The following UBE2E2 variants were observed in gnomAD, a reference collection of about 807,000 sequenced individuals.
UBE2E2 encodes ubiquitin-conjugating enzyme E2 E2.
Under a neutral mutation model 24.7 loss-of-function variants are expected in UBE2E2, and 6 were observed. The ratio of observed to expected loss-of-function variants is 0.24; its 90% CI spans 0.13 to 0.48. UBE2E2 has a LOEUF of 0.48. Among genes scored for constraint, UBE2E2 ranks in the 20% least tolerant of loss-of-function variants. UBE2E2 has a pLI of 0.99. For synonymous variants in UBE2E2, 104 were observed against 83.6 expected, an observed-to-expected ratio of 1.24 and a Z score of -1.33; for missense variants, 169 against 245.0, an observed-to-expected ratio of 0.69 and a Z score of 2.07.
chr3:23,375,514 A>G (rs1385890350), intron 3 of UBE2E2, among the ~76,000 whole-genome samples: 1 of 152,214 alleles, frequency 6.6e-6, no homozygotes, highest in East Asian at 1.9e-4. Flanking sequence ...TACATAGAGT[A>G]CAAGTCAGAC....
chr3:23,382,942 T>G (rs922678693), intron 3 of UBE2E2, among the ~76,000 whole-genome samples: 3 of 152,128 alleles, frequency 2.0e-5, no homozygotes, highest in Non-Finnish European at 4.4e-5. Flanking sequence ...AATAAACAGG[T>G]GTAAACTGTA....
intron 3 of UBE2E2, among the ~76,000 whole-genome samples, chr3:23,338,532 C>T (rs1695279253): frequency 2.0e-5 from 3 of 152,084 alleles, no homozygotes; most frequent in African/African-American, 4.8e-5. Flanking sequence ...ACACCCAGTA[C>T]CAGATCTTGG....
chr3:23,382,407 C>G (rs1328298808), intron 3 of UBE2E2, among the ~76,000 whole-genome samples: 1 of 151,960 alleles, frequency 6.6e-6, no homozygotes, highest in Non-Finnish European at 1.5e-5. Flanking sequence ...GTCTTGAACT[C>G]CCAACCTCGG....
At chr3:23,543,244 C>G (rs1437990385) in intron 5 of UBE2E2, among the ~76,000 whole-genome samples, 3 of 152,106 alleles carry the variant, frequency 2.0e-5, no homozygotes, top group African/African-American at 7.2e-5. Flanking sequence ...AAAGGGCATC[C>G]AAACTGGAAA....
intron 3 of UBE2E2, among the ~76,000 whole-genome samples, chr3:23,266,917 A>G (rs1407131737): frequency 2.0e-5 from 3 of 152,218 alleles, no homozygotes; most frequent in African/African-American, 7.2e-5. Flanking sequence ...AAACCATGCA[A>G]CTACATGGAA....
At chr3:23,331,501 G>T (rs1172143851) in intron 3 of UBE2E2, among the ~76,000 whole-genome samples, 2 of 151,478 alleles carry the variant, frequency 1.3e-5, no homozygotes, top group Admixed American at 6.6e-5. Context: ...CAATGGATGG[G>T]GGCAGGGAGG....
intron 3 of UBE2E2, among the ~76,000 whole-genome samples, chr3:23,290,926 G>C (rs2125247215): frequency 6.7e-6 from 1 of 150,108 alleles, no homozygotes; most frequent in Non-Finnish European, 1.5e-5. Flanking sequence ...GCCGGGCATG[G>C]TGGCATGTAC....
chr3:23,294,486 G>A (rs901087637), intron 3 of UBE2E2, among the ~76,000 whole-genome samples: 1 of 151,784 alleles, frequency 6.6e-6, no homozygotes, highest in African/African-American at 2.4e-5. Flanking sequence ...TAATCAAGAC[G>A]TGGCTCATCT....
chr3:23,203,642 C>T (rs1335208569), intron 1 of UBE2E2, among the ~76,000 whole-genome samples, 178 bp downstream of exon 1: 19 of 141,380 alleles, frequency 1.3e-4, no homozygotes, highest in Admixed American at 1.3e-3. Context: ...TCCCGCGAGC[C>T]TCCTGCCCCC....
intron 4 of UBE2E2, among the ~76,000 whole-genome samples, chr3:23,518,720 C>T (rs1694798605): frequency 6.6e-6 from 1 of 152,178 alleles, no homozygotes; most frequent in South Asian, 2.1e-4. Flanking sequence ...TGTGTGCCTG[C>T]AGTGCCTTGT....
chr3:23,397,963 G>T (rs76618547), intron 3 of UBE2E2, among the ~76,000 whole-genome samples: 1 of 151,730 alleles, frequency 6.6e-6, no homozygotes, highest in African/African-American at 2.4e-5. Context: ...TTTTCTCCTC[G>T]GTCTGTTATA....
chr3:23,420,757 T>C (rs1697776226), intron 3 of UBE2E2, among the ~76,000 whole-genome samples: 1 of 152,364 alleles, frequency 6.6e-6, no homozygotes, highest in Middle Eastern at 3.4e-3. Context: ...TTCTTTTAAG[T>C]CCTGCCTCTT....
intron 5 of UBE2E2, among the ~76,000 whole-genome samples, chr3:23,585,129 A>G: frequency 6.6e-6 from 1 of 152,010 alleles, no homozygotes; most frequent in Non-Finnish European, 1.5e-5. Flanking sequence ...TAATCGCACC[A>G]CTTTTGGAGG....
At chr3:23,380,265 G>T (rs994975838) in intron 3 of UBE2E2, among the ~76,000 whole-genome samples, 3 of 152,058 alleles carry the variant, frequency 2.0e-5, no homozygotes, top group African/African-American at 7.2e-5. Context: ...TGTCACTCAG[G>T]CAGGAGGGCA....
intron 3 of UBE2E2, among the ~76,000 whole-genome samples, chr3:23,226,647 C>G (rs1386237961): frequency 6.6e-6 from 1 of 152,120 alleles, no homozygotes; most frequent in Non-Finnish European, 1.5e-5. Context: ...TGAATGAGAG[C>G]AGAAACATAA....
At chr3:23,299,856 G>T (rs369684868) in intron 3 of UBE2E2, among the ~76,000 whole-genome samples, 1 of 152,030 alleles carries the variant, frequency 6.6e-6, no homozygotes, top group Non-Finnish European at 1.5e-5. Flanking sequence ...TTTCTGTCTC[G>T]TTGATCTGTC....
intron 3 of UBE2E2, among the ~76,000 whole-genome samples, chr3:23,380,473 G>A (rs1259500282): frequency 1.3e-5 from 2 of 152,092 alleles, no homozygotes; most frequent in Admixed American, 6.6e-5. Flanking sequence ...TGATCCTCCC[G>A]CCTCCACCTG....
At chr3:23,454,956 GAA>G (rs1698644362) in intron 3 of UBE2E2, among the ~76,000 whole-genome samples, 1 of 152,136 alleles carries the variant, frequency 6.6e-6, no homozygotes, top group African/African-American at 2.4e-5. Flanking sequence ...CCGAGATTAT[GAA>G]AAGTCATTGA....
intron 3 of UBE2E2, among the ~76,000 whole-genome samples, chr3:23,282,026 C>G (rs1489483835): frequency 6.6e-6 from 1 of 152,144 alleles, no homozygotes; most frequent in South Asian, 2.1e-4. Context: ...TGAAACTTGG[C>G]TTTTGAAATT....
Sources: allele counts gnomAD v4.1 joint callset (sites outside exome capture counted in the v4.1 genomes callset), GRCh38; gene constraint gnomAD v4.1.1; transcripts MANE v1.5; gene names NCBI Gene and HGNC (gene_info 2026-07-23, HGNC 2026-07-21).